SCFD2: variants seen among roughly 807,000 people sequenced by gnomAD.
SCFD2 encodes the protein sec1 family domain-containing protein 2.
In SCFD2, 54 loss-of-function variants were observed where a neutral mutation model predicts 58.9. The ratio of observed to expected loss-of-function variants is 0.92; its 90% CI spans 0.74 to 1.15. The LOEUF (loss-of-function observed/expected upper bound fraction) is 1.15, where lower values mean the gene tolerates loss of function less well. Ranked by LOEUF, SCFD2 falls within the 50% of genes most tolerant of loss-of-function variation. The pLI, the probability that SCFD2 is intolerant of heterozygous loss-of-function variation, is 0.00. For synonymous variants in SCFD2, 321 were observed against 335.9 expected (o/e 0.96, Z 0.49); for missense variants, 805 against 836.6 (o/e 0.96, Z 0.47).
chr4:53,307,826 G>C (rs1732564044), intron 3 of SCFD2, among the ~76,000 whole-genome samples: 1 of 152,146 alleles, frequency 6.6e-6, no homozygotes, highest in Admixed American at 6.5e-5. Context: ...TGCTACCACA[G>C]GAAAAACTTG....
chr4:53,056,702 T>C (rs1723350694), intron 5 of SCFD2, among the ~76,000 whole-genome samples: 1 of 152,130 alleles, frequency 6.6e-6, no homozygotes, highest in Non-Finnish European at 1.5e-5. Flanking sequence ...AAAGCACCAC[T>C]TTTAGCCACC....
At chr4:53,180,460 A>G (rs1010427552) in intron 4 of SCFD2, among the ~76,000 whole-genome samples, 1 of 152,216 alleles carries the variant, frequency 6.6e-6, no homozygotes, top group African/African-American at 2.4e-5. Flanking sequence ...CAACGAGAAC[A>G]AAGACACAAC....
chr4:52,957,771 G>T (rs1353012362), intron 5 of SCFD2: 2 of 152,226 alleles, frequency 1.3e-5, no homozygotes, highest in African/African-American at 4.8e-5. Flanking sequence ...TCAACATGTA[G>T]CTCTAAGTGC....
At chr4:52,885,976 T>C in intron 7 of SCFD2, 110 bp from the exon 8 acceptor site, 1 of 1,372,560 alleles carries the variant, frequency 7.3e-7, no homozygotes, top group Non-Finnish European at 1.0e-6. Context: ...CTACTACTGA[T>C]AGTGGCAGGA....
At chr4:53,033,777 G>A (rs146075548) in intron 5 of SCFD2, among the ~76,000 whole-genome samples, 2,344 of 152,178 alleles carry the variant, frequency 0.015, 55 homozygotes, top group African/African-American at 0.052. Context: ...GGAAGAAATC[G>A]AATCCCTGAA....
intron 5 of SCFD2, among the ~76,000 whole-genome samples, chr4:53,067,728 T>C (rs1462031068): frequency 6.6e-6 from 1 of 152,076 alleles, no homozygotes; most frequent in Non-Finnish European, 1.5e-5. Context: ...CATGCTGAAC[T>C]GTGAGTCAAT....
intron 5 of SCFD2, among the ~76,000 whole-genome samples, chr4:53,101,013 T>G (rs1724818266): frequency 6.6e-6 from 1 of 152,126 alleles, no homozygotes; most frequent in Non-Finnish European, 1.5e-5. Context: ...CTGGCACAAC[T>G]TCAAATGCGT....
At chr4:53,334,602 G>T (rs1577979141) in intron 2 of SCFD2, among the ~76,000 whole-genome samples, 2 of 148,728 alleles carry the variant, frequency 1.3e-5, no homozygotes, top group Non-Finnish European at 1.5e-5. Flanking sequence ...GGACTGTGGT[G>T]GGGTGGGGGG....
At chr4:53,360,187 G>A (rs1734512703) in intron 1 of SCFD2, among the ~76,000 whole-genome samples, 1 of 152,130 alleles carries the variant, frequency 6.6e-6, no homozygotes, top group Non-Finnish European at 1.5e-5. Flanking sequence ...CACTAATATG[G>A]GATGTAACAC....
chr4:53,088,504 G>A (rs1724377830), intron 5 of SCFD2, among the ~76,000 whole-genome samples: 1 of 152,206 alleles, frequency 6.6e-6, no homozygotes, highest in South Asian at 2.1e-4. Context: ...ATGGAGTTTG[G>A]CTTGTAGCCT....
At chr4:53,250,982 C>A (rs113722932) in intron 4 of SCFD2, among the ~76,000 whole-genome samples, 37 of 151,532 alleles carry the variant, frequency 2.4e-4, no homozygotes, top group Middle Eastern at 3.2e-3. Flanking sequence ...GATCAACAAA[C>A]TTGATAGACT....
At chr4:53,225,335 G>T (rs1303331744) in intron 4 of SCFD2, among the ~76,000 whole-genome samples, 3 of 151,980 alleles carry the variant, frequency 2.0e-5, no homozygotes, top group Admixed American at 6.6e-5. Context: ...ATTGTTTGGG[G>T]TTTTTTATTA....
chr4:53,215,106 T>C (rs1728771522), intron 4 of SCFD2, among the ~76,000 whole-genome samples: 1 of 152,140 alleles, frequency 6.6e-6, no homozygotes, highest in African/African-American at 2.4e-5. Flanking sequence ...AGCTTTATTC[T>C]TTTGGCTTAG....
chr4:52,885,664 T>C, intron 8 of SCFD2, 83 bp downstream of exon 8: 2 of 1,535,144 alleles, frequency 1.3e-6, no homozygotes, highest in South Asian at 2.3e-5. Flanking sequence ...AGAGGGGCAC[T>C]GGGACCCATA....
intron 8 of SCFD2, among the ~76,000 whole-genome samples, chr4:52,881,808 G>A (rs148549311): frequency 7.9e-5 from 12 of 152,264 alleles, no homozygotes; most frequent in Admixed American, 2.6e-4. Flanking sequence ...AATGGTACAC[G>A]TAGAGTCTCT....
intron 5 of SCFD2, among the ~76,000 whole-genome samples, chr4:53,031,083 G>C (rs1296038424): frequency 1.3e-5 from 2 of 152,188 alleles, no homozygotes; most frequent in African/African-American, 4.8e-5. Flanking sequence ...GCTTCCAGAG[G>C]AAAGTCAGCA....
intron 2 of SCFD2, among the ~76,000 whole-genome samples, chr4:53,328,613 C>A (rs1040408995): frequency 6.6e-6 from 1 of 152,038 alleles, no homozygotes. Flanking sequence ...TACATACATG[C>A]GGAGAACAGA....
At chr4:53,351,751 A>G (rs1202666614) in intron 2 of SCFD2, among the ~76,000 whole-genome samples, 2 of 152,224 alleles carry the variant, frequency 1.3e-5, no homozygotes, top group African/African-American at 2.4e-5. Context: ...ACCCACAAAC[A>G]TTGGGTATCC....
intron 5 of SCFD2, among the ~76,000 whole-genome samples, chr4:53,018,636 G>A (rs919725917): frequency 1.3e-5 from 2 of 152,174 alleles, no homozygotes; most frequent in African/African-American, 2.4e-5. Context: ...CACGCTTGGA[G>A]TTTCCTTTAT....
Sources: allele counts gnomAD v4.1 joint callset (sites outside exome capture counted in the v4.1 genomes callset), GRCh38; gene constraint gnomAD v4.1.1; transcripts MANE v1.5; gene names NCBI Gene and HGNC (gene_info 2026-07-23, HGNC 2026-07-21).